The following QPCT variants were observed in gnomAD, a reference collection of about 807,000 sequenced individuals.
QPCT encodes EC.
A neutral mutation model predicts 43.4 loss-of-function variants in QPCT; 44 were observed. That is an observed-to-expected ratio of 1.01 (90% CI 0.80 to 1.30). QPCT has a LOEUF of 1.30. Among genes scored for constraint, QPCT ranks in the 50% most tolerant of loss-of-function variants. The pLI, the probability that QPCT is intolerant of heterozygous loss-of-function variation, is 0.00. For missense variants in QPCT, 526 were observed against 436.5 expected (o/e 1.21, Z -1.83); for synonymous variants, 168 against 168.4 (o/e 1.00, Z 0.02).
intron 3 of QPCT, 67 bp downstream of exon 3, chr2:37,359,925 GA>G (rs1672829121): frequency 6.7e-7 from 1 of 1,502,442 alleles, no homozygotes; most frequent in South Asian, 1.2e-5. Flanking sequence ...GTGAATTCTA[GA>G]ATCCTTGGAG....
chr2:37,360,012 TG>T (rs1344091041), intron 3 of QPCT, 154 bp downstream of exon 3: 4 of 834,402 alleles, frequency 4.8e-6, no homozygotes, highest in Admixed American at 2.8e-5. Context: ...ATTGCATGAT[TG>T]GGAATATCAA....
intron 1 of QPCT, among the ~76,000 whole-genome samples, chr2:37,345,273 GC>G (rs1052556367): frequency 6.6e-6 from 1 of 151,050 alleles, no homozygotes; most frequent in Non-Finnish European, 1.5e-5. Context: ...TGTGCCCACA[GC>G]CCCCCCGCTG....
In QPCT at chr2:37,372,353, C is replaced by T. The variant is rs1673095244; in HGVS notation, c.824-3C>T. ...TCATTTACTGTATAATTGTCATCTA[C>T]AGAACATGAACTTCATGAATTGGGT... On this transcript the variant is annotated splice_polypyrimidine_tract_variant and splice_region_variant and intron_variant, in intron 5 of 6. Coordinates refer to ENST00000338415, the MANE Select transcript of QPCT (RefSeq NM_012413.4). 2 of 1,595,822 alleles carry T rather than the reference C, an allele frequency of 1.3e-6. No homozygotes were observed. Among genetic ancestry groups the T allele is most frequent in the African/African-American group, 2.7e-5 (2 of 74,502 alleles).
At chr2:37,371,431 C>CA (rs3050580) in intron 5 of QPCT, among the ~76,000 whole-genome samples, 29,292 of 68,938 alleles carry the variant, frequency 0.42, 6,313 homozygotes, top group East Asian at 0.56. Context: ...GACTCCATCT[C>CA]AAAAAAAAAA....
chr2:37,362,532 TAA>T (rs1431572410), intron 3 of QPCT, among the ~76,000 whole-genome samples: 1 of 152,212 alleles, frequency 6.6e-6, no homozygotes, highest in African/African-American at 2.4e-5. Flanking sequence ...CGTACAAAAT[TAA>T]GTTAGTTTTC....
intron 4 of QPCT, among the ~76,000 whole-genome samples, chr2:37,368,996 T>G (rs539854097): frequency 6.6e-6 from 1 of 152,340 alleles, no homozygotes; most frequent in African/African-American, 2.4e-5. Flanking sequence ...TGAAAATATT[T>G]ATCTAATATG....
chr2:37,369,028 T>A (rs1572738437), intron 4 of QPCT, among the ~76,000 whole-genome samples: 1 of 152,218 alleles, frequency 6.6e-6, no homozygotes, highest in South Asian at 2.1e-4. Flanking sequence ...ATGCTAAATA[T>A]TTATCCACAC....
chr2:37,372,361 GA>G lies in QPCT; in HGVS notation c.831del (p.Glu277AspfsTer26), dbSNP rs763901290. ...WFERLQAIEH[E>X]LHELGLLKDH... ...TGTATAATTGTCATCTACAGAACAT[GA>G]ACTTCATGAATTGGGTTTGCTCAAG... On this transcript the variant is annotated frameshift_variant, in exon 6 of 7. Transcript: ENST00000338415. LOFTEE classifies it high-confidence loss of function. 7 of 1,609,036 alleles carry G rather than the reference GA, an allele frequency of 4.4e-6. No homozygotes were observed. The Admixed American group carries it at 5.0e-5, about 11-fold the overall frequency.
At chr2:37,345,211 G>A (rs992547567) in intron 1 of QPCT, among the ~76,000 whole-genome samples, 6 of 152,198 alleles carry the variant, frequency 3.9e-5, no homozygotes, top group African/African-American at 1.4e-4. Flanking sequence ...GACCCTGGAG[G>A]GCAACGGGGC....
chr2:37,360,160 A>G (rs999115052), intron 3 of QPCT: 3 of 360,698 alleles, frequency 8.3e-6, no homozygotes, highest in African/African-American at 6.3e-5. Context: ...CAGGTATAGT[A>G]TGAGAATTGT....
chr2:37,353,851 G>T (rs1327618994), intron 2 of QPCT, among the ~76,000 whole-genome samples: 1 of 152,154 alleles, frequency 6.6e-6, no homozygotes, highest in Non-Finnish European at 1.5e-5. Flanking sequence ...ACTGCAAGGC[G>T]CAGGTGCCCA....
chr2:37,363,780 G>C (rs1672902722), intron 3 of QPCT, among the ~76,000 whole-genome samples: 1 of 151,314 alleles, frequency 6.6e-6, no homozygotes, highest in African/African-American at 2.4e-5. Context: ...ACAGAGATAA[G>C]AGGAGACATT....
intron 2 of QPCT, among the ~76,000 whole-genome samples, chr2:37,357,505 G>C (rs1319364257): frequency 1.3e-5 from 2 of 152,124 alleles, no homozygotes; most frequent in African/African-American, 4.8e-5. Flanking sequence ...CCTACTGTGA[G>C]CAAAGCACAG....
intron 5 of QPCT, 65 bp downstream of exon 5, chr2:37,369,849 A>G: frequency 1.4e-6 from 2 of 1,420,678 alleles, no homozygotes; most frequent in Non-Finnish European, 2.0e-6. Flanking sequence ...CTACATTTTT[A>G]ACATTTAAAA....
chr2:37,363,129 C>T (rs1014327353), intron 3 of QPCT, among the ~76,000 whole-genome samples: 2 of 152,182 alleles, frequency 1.3e-5, no homozygotes, highest in African/African-American at 4.8e-5. Flanking sequence ...CTGGAGGATT[C>T]TTCTTCAGAC....
chr2:37,359,085 A>C (rs1012719191), intron 2 of QPCT, among the ~76,000 whole-genome samples: 1 of 152,220 alleles, frequency 6.6e-6, no homozygotes, highest in Non-Finnish European at 1.5e-5. Context: ...AAATATTAAA[A>C]GTGTACGTTA....
At chr2:37,354,484 A>G (rs989207935) in intron 2 of QPCT, among the ~76,000 whole-genome samples, 1 of 152,314 alleles carries the variant, frequency 6.6e-6, no homozygotes, top group Admixed American at 6.5e-5. Flanking sequence ...AGGAATTTAA[A>G]AAGATCTGAG....
At chr2:37,352,983 T>C (rs1415600378) in intron 2 of QPCT, 48 bp downstream of exon 2, 2 of 1,578,336 alleles carry the variant, frequency 1.3e-6, no homozygotes, top group Non-Finnish European at 1.7e-6. Flanking sequence ...TACTGTGCTT[T>C]CTCATGAGGG....
chr2:37,349,731 G>C (rs1672579886), intron 1 of QPCT, among the ~76,000 whole-genome samples: 1 of 152,142 alleles, frequency 6.6e-6, no homozygotes, highest in Non-Finnish European at 1.5e-5. Context: ...CAATAACATT[G>C]AACCACAGCA....
Sources: gnomAD v4.1 joint callset for allele counts (sites outside exome capture counted in the v4.1 genomes callset) on GRCh38, gnomAD v4.1.1 for gene constraint, MANE v1.5 for transcripts, NCBI Gene and HGNC (gene_info 2026-07-23, HGNC 2026-07-21) for gene names.